LHX6: variants seen among roughly 807,000 people sequenced by gnomAD.
The protein encoded by LHX6 is LIM/homeobox protein Lhx6.
A neutral mutation model predicts 47.1 loss-of-function variants in LHX6; 15 were observed. The ratio of observed to expected loss-of-function variants is 0.32; its 90% CI spans 0.21 to 0.49. The LOEUF is 0.49. Among genes scored for constraint, LHX6 ranks in the 20% least tolerant of loss-of-function variants. The probability of loss-of-function intolerance (pLI) is 0.99; values close to 1 mark genes in which losing one functional copy is unlikely to be tolerated. For missense variants in LHX6, 404 were observed against 539.6 expected (o/e 0.75, Z 2.49); for synonymous variants, 242 against 233.5 (o/e 1.04, Z -0.33).
chr9:122,203,145 G>C lies in LHX6; in HGVS notation c.*1615C>G, dbSNP rs948544561. 6.5e-6 allele frequency: 1 copy of C among 152,706 alleles called. No homozygotes were observed. The highest frequency in any genetic ancestry group is 1.5e-5 in the Non-Finnish European group (1 of 68,098). 9.5% of individuals were successfully genotyped at this position (152,706 alleles called of 1,614,324 possible). ...GTCAGCTGTCACTGTCTTTGGAAGG[G>C]AGAGGAAGCAGGTTCCCTTCTTAGG... On this transcript the variant is annotated 3_prime_UTR_variant, in exon 10 of 10. Transcript: ENST00000394319.
intron 9 of LHX6, among the ~76,000 whole-genome samples, chr9:122,208,358 T>C (rs1830267093): frequency 6.6e-6 from 1 of 151,966 alleles, no homozygotes; most frequent in Admixed American, 6.6e-5. Flanking sequence ...CCAGCTCCCA[T>C]GGCTTCCCCT....
chr9:122,212,177 C>T (rs539016434), intron 8 of LHX6, among the ~76,000 whole-genome samples: 1 of 152,150 alleles, frequency 6.6e-6, no homozygotes, highest in Non-Finnish European at 1.5e-5. Flanking sequence ...ATACTGTTGT[C>T]CTCATTTTTA....
chr9:122,221,782 C>G (rs1253883933), intron 4 of LHX6: 2 of 964,982 alleles, frequency 2.1e-6, no homozygotes, highest in Non-Finnish European at 2.5e-6. Flanking sequence ...GGCAGGGACT[C>G]TTTGGATCAG....
rs1243879215 is a variant in LHX6 at position 122,213,323 on chromosome 9, C to T, written c.1054+283G>A. Among the ~76,000 whole-genome samples the T allele has an allele frequency of 6.6e-6, 1 of 152,166 alleles. No homozygotes were observed. The highest frequency in any genetic ancestry group is 2.4e-5 in the African/African-American group (1 of 41,446). On this transcript the variant is annotated intron_variant, in intron 8 of 9. Transcript: ENST00000394319. This position sits in a 1 kb window ranked among gnomAD's most constrained non-coding sequence, Gnocchi z 5.5. Reference sequence around the variant, plus strand: ...AGGTACCTTGTCCAGCCTGTTCTCTCCCCAGTCTCCGGGCACTGGCACATT... The same window carrying T: ...AGGTACCTTGTCCAGCCTGTTCTCTTCCCAGTCTCCGGGCACTGGCACATT...
chr9:122,223,733 G>A (rs1830973104), intron 4 of LHX6, among the ~76,000 whole-genome samples: 1 of 152,206 alleles, frequency 6.6e-6, no homozygotes, highest in African/African-American at 2.4e-5. Context: ...GAACAGTGGA[G>A]TCAGGATCCG....
At chr9:122,205,139 C>T (rs1830124338) in intron 9 of LHX6, among the ~76,000 whole-genome samples, 1 of 152,232 alleles carries the variant, frequency 6.6e-6, no homozygotes, top group African/African-American at 2.4e-5. Flanking sequence ...TTCTGTTTTA[C>T]AAGGAGGGCA....
At chr9:122,228,541 G>A (rs1227503615) in intron 1 of LHX6, 116 bp downstream of exon 1, 3 of 1,308,214 alleles carry the variant, frequency 2.3e-6, no homozygotes, top group Admixed American at 7.3e-5. Flanking sequence ...ACACTCACAG[G>A]CGCACCCTCG....
chr9:122,226,866 CA>C lies in LHX6; in HGVS notation c.320del (p.Leu107ArgfsTer27). The C allele has an allele frequency of 6.4e-7, 1 of 1,568,008 alleles. No homozygotes were observed. The highest frequency in any genetic ancestry group is 8.6e-7 in the Non-Finnish European group (1 of 1,156,696). Reference sequence around the variant, plus strand: ...GTCTCACCTTGAGCAGATATCGGTCCAGGATCTCGAGGCCGCAGCTGGAGCA... The same window carrying C: ...GTCTCACCTTGAGCAGATATCGGTCCGGATCTCGAGGCCGCAGCTGGAGCA... ...NICSSCGLEI[L>X]DRYLLKVNNL... On this transcript the variant is annotated frameshift_variant, in exon 3 of 10. Transcript: ENST00000394319. LOFTEE classifies it high-confidence loss of function. This position sits in a 1 kb window ranked among gnomAD's most constrained non-coding sequence, Gnocchi z 6.5.
At chr9:122,227,949 T>TCCGGGGGGCCCCCCCCCCCCCCCCC in intron 1 of LHX6, 1 of 176,980 alleles carries the variant, frequency 5.7e-6, no homozygotes, top group Admixed American at 6.2e-5. Context: ...TTTTTCTCTC[T>TCCGGGGGGCCCCCCCCCCCCCCCCC]CCACCCGCCC....
In LHX6 at chr9:122,214,099, C is replaced by G; in HGVS notation, c.784-30G>C. On this transcript the variant is annotated intron_variant, in intron 6 of 9. Transcript: ENST00000394319. This position sits in a 1 kb window ranked among gnomAD's most constrained non-coding sequence, Gnocchi z 4.6. ...GGGGCGGGGAGGGCGGTGAGGCGCT[C>G]GCACGCAGAGACTCCGAGACCCCGG... The G allele has an allele frequency of 6.3e-7, 1 of 1,577,484 alleles. No individual in the cohort carries two copies. Among genetic ancestry groups the G allele is most frequent in the South Asian group, 1.1e-5 (1 of 89,244 alleles).
chr9:122,211,771 G>A (rs1022412831), intron 8 of LHX6, among the ~76,000 whole-genome samples: 1 of 152,190 alleles, frequency 6.6e-6, no homozygotes, highest in Admixed American at 6.5e-5. Flanking sequence ...AGTCCTGGCA[G>A]GGACTCTGGA....
Position 122,213,846 on chromosome 9 carries a change from C to G in LHX6, c.880-66G>C. On this transcript the variant is annotated intron_variant, in intron 7 of 9. Coordinates refer to ENST00000394319, the MANE Select transcript of LHX6 (RefSeq NM_014368.5). This position sits in a 1 kb window ranked among gnomAD's most constrained non-coding sequence, Gnocchi z 5.5. ...AGTCGGACGCGCCGCCGGGAGACCC[C>G]AGGCGGGACTGCCTCGTCGCCTCCT... 6.5e-7 allele frequency: 1 copy of G among 1,536,132 alleles called. No homozygotes were observed. The highest frequency in any genetic ancestry group is 8.8e-7 in the Non-Finnish European group (1 of 1,138,562).
intron 4 of LHX6, chr9:122,221,488 G>A: frequency 3.0e-6 from 3 of 985,592 alleles, no homozygotes; most frequent in Non-Finnish European, 2.4e-6. Context: ...GAGGGCCAGA[G>A]AAGGCTAGGG....
chr9:122,226,864 TC>T lies in LHX6; in HGVS notation c.322del (p.Asp108ThrfsTer26). 1 of 1,567,352 alleles carries T rather than the reference TC, an allele frequency of 6.4e-7. No homozygotes were observed. The highest frequency in any genetic ancestry group is 8.6e-7 in the Non-Finnish European group (1 of 1,156,422). On this transcript the variant is annotated frameshift_variant, in exon 3 of 10. Coordinates refer to ENST00000394319, the MANE Select transcript of LHX6 (RefSeq NM_014368.5). LOFTEE classifies it high-confidence loss of function. This position sits in a 1 kb window ranked among gnomAD's most constrained non-coding sequence, Gnocchi z 6.5. Reference protein sequence around the residue: ...ICSSCGLEILDRYLLKVNNLI... With the variant: ...ICSSCGLEILXRYLLKVNNLI... The stretch of plus-strand genomic sequence containing the variant: ...CTGTCTCACCTTGAGCAGATATCGG[TC>T]CAGGATCTCGAGGCCGCAGCTGGAG...
chr9:122,207,574 G>A (rs762005259), intron 9 of LHX6, among the ~76,000 whole-genome samples: 17 of 152,146 alleles, frequency 1.1e-4, no homozygotes, highest in South Asian at 2.1e-4. Flanking sequence ...TCTCAGCGGC[G>A]ATGGTGTTCC....
chr9:122,223,327 T>C (rs1210951322), intron 4 of LHX6, among the ~76,000 whole-genome samples: 1 of 152,140 alleles, frequency 6.6e-6, no homozygotes, highest in African/African-American at 2.4e-5. Context: ...GCTCTTGTCA[T>C]TGGAAAAAGA....
Position 122,213,709 on chromosome 9 carries a change from C to G in LHX6, c.951G>C (p.Ala317=). Reference sequence around the variant, plus strand: ...GGGCGGAGGGAAGGCGGGACGGGGGCGCCCCCGAGGGCGGCACTGGGTGTT... The same window carrying G: ...GGGCGGAGGGAAGGCGGGACGGGGGGGCCCCCGAGGGCGGCACTGGGTGTT... ...TPQHPVPPSG[A]PPSRLPSALS... The change falls in exon 8 of 10, where the codon GCG becomes GCC. Residue 317 remains alanine (A), a synonymous_variant. Transcript: ENST00000394319. The surrounding 1 kb of genome is among the most constrained non-coding windows in gnomAD (Gnocchi z 5.5). 1 of 1,612,282 alleles carries G rather than the reference C, an allele frequency of 6.2e-7. No homozygotes were observed.
chr9:122,206,053 A>G (rs1830165495), intron 9 of LHX6, among the ~76,000 whole-genome samples: 1 of 152,158 alleles, frequency 6.6e-6, no homozygotes, highest in African/African-American at 2.4e-5. Flanking sequence ...CTTCCCCTCC[A>G]TGGGTCTCAG....
At chr9:122,222,554 G>A (rs1192135009) in intron 4 of LHX6, among the ~76,000 whole-genome samples, 2 of 152,196 alleles carry the variant, frequency 1.3e-5, no homozygotes, top group East Asian at 3.9e-4. Flanking sequence ...AGGACACGCA[G>A]CCAATGAGAA....
Sources: allele counts gnomAD v4.1 joint callset (sites outside exome capture counted in the v4.1 genomes callset), GRCh38; gene constraint gnomAD v4.1.1; non-coding constraint Gnocchi (gnomAD v3.1); transcripts MANE v1.5; gene names NCBI Gene and HGNC (gene_info 2026-07-23, HGNC 2026-07-21).